The following TMEM255B variants were observed in gnomAD, a reference collection of about 807,000 sequenced individuals.
TMEM255B encodes family with sequence similarity 70, member B.
A neutral mutation model predicts 34.5 loss-of-function variants in TMEM255B; 35 were observed. That is an observed-to-expected ratio of 1.01 (90% CI 0.77 to 1.34). The LOEUF (loss-of-function observed/expected upper bound fraction) is 1.34. TMEM255B is among the 40% of genes most tolerant of loss of function. The pLI is 0.00. For missense variants in TMEM255B, 432 were observed against 433.2 expected (o/e 1.00, Z 0.02); for synonymous variants, 206 against 201.2 (o/e 1.02, Z -0.20).
chr13:113,768,811 C>G (rs1282652307), intron 2 of TMEM255B: 10 of 526,298 alleles, frequency 1.9e-5, no homozygotes, highest in Non-Finnish European at 3.8e-5. Flanking sequence ...GATGTTGTCT[C>G]TGGGGGAGGA....
intron 3 of TMEM255B, among the ~76,000 whole-genome samples, chr13:113,786,546 C>T (rs1447979795): frequency 6.7e-6 from 1 of 149,484 alleles, no homozygotes; most frequent in Non-Finnish European, 1.5e-5. Context: ...ACCATTGTCA[C>T]CATCGTCAAC....
intron 5 of TMEM255B, chr13:113,799,711 T>A: frequency 1.4e-6 from 1 of 696,492 alleles, no homozygotes; most frequent in Non-Finnish European, 2.7e-6. Flanking sequence ...TTTTCTAATT[T>A]AATTATTGCA....
intron 3 of TMEM255B, among the ~76,000 whole-genome samples, chr13:113,791,518 T>A (rs2050831868): frequency 6.6e-6 from 1 of 152,152 alleles, no homozygotes; most frequent in African/African-American, 2.4e-5. Flanking sequence ...TGTGGACAGA[T>A]GTCCCCTTGG....
In TMEM255B at chr13:113,795,167, T is replaced by G. The variant is rs779942010; in HGVS notation, c.272T>G (p.Phe91Cys). ...RRQMLVAAIV[F>C]ISFGVVAAFC... The stretch of plus-strand genomic sequence containing the variant: ...TTGCAGCTGGTGGCAGCGATCGTGT[T>G]TATCAGTTTTGGCGTGGTGGCCGCC... The change falls in exon 4 of 9, where the codon TTT becomes TGT. Residue 91 changes from phenylalanine (F) to cysteine (C), a missense_variant. Physicochemically the swap from Phe to Cys is radical, Grantham distance 205. Transcript: ENST00000375353. 9.3e-6 allele frequency: 15 copies of G among 1,613,916 alleles called. No individual in the cohort carries two copies. The highest frequency in any genetic ancestry group is 1.3e-5 in the Non-Finnish European group (15 of 1,179,994).
intron 1 of TMEM255B, among the ~76,000 whole-genome samples, chr13:113,763,192 G>A (rs1409554281): frequency 6.6e-6 from 1 of 152,234 alleles, no homozygotes; most frequent in African/African-American, 2.4e-5. Context: ...TCTGAAAATC[G>A]ACACACAGCC....
chr13:113,801,105 A>AC (rs796735107), intron 6 of TMEM255B, among the ~76,000 whole-genome samples, 193 bp downstream of exon 6: 97 of 148,734 alleles, frequency 6.5e-4, no homozygotes, highest in Admixed American at 1.1e-3. Flanking sequence ...TCCTGACATC[A>AC]CCCCCCCCAC....
Position 113,814,343 on chromosome 13 carries a change from T to G in TMEM255B, c.*2440T>G, listed in dbSNP as rs1446554642. 1.3e-5 allele frequency: 2 copies of G among 152,184 alleles called. No individual in the cohort carries two copies. The highest frequency in any genetic ancestry group is 2.9e-5 in the Non-Finnish European group (2 of 68,020). 9.4% of individuals were successfully genotyped at this position (152,184 alleles called of 1,614,324 possible). On this transcript the variant is annotated 3_prime_UTR_variant, in exon 9 of 9. Coordinates refer to ENST00000375353, the MANE Select transcript of TMEM255B (RefSeq NM_182614.4). The stretch of plus-strand genomic sequence containing the variant: ...AGGGTGCGGTGTGGGGGCATCAGAG[T>G]GCTTCCCCGAGGCTGCACTCACCAG...
rs533492303 is a variant in TMEM255B at position 113,769,295 on chromosome 13, G to A, written c.252+135G>A. ...CTACAGGACCAGCTCTGAGGTTCCC[G>A]GGCTGTGGCCTGCACAGTCCTGGAT... On this transcript the variant is annotated intron_variant, in intron 3 of 8. Transcript: ENST00000375353. This position sits in a 1 kb window ranked among gnomAD's most constrained non-coding sequence, Gnocchi z 4.2. 4.6e-5 allele frequency: 44 copies of A among 948,096 alleles called. No homozygotes were observed. In the South Asian group the frequency reaches 5.3e-4, roughly 11 times the overall value. 58.7% of individuals were successfully genotyped at this position (948,096 alleles called of 1,614,324 possible). A position where few individuals can be genotyped will look rare whatever the true frequency, so the allele number is the denominator to read the frequency against.
In TMEM255B at chr13:113,816,221, C is replaced by T. The variant is rs1445299764; in HGVS notation, c.*4318C>T. On this transcript the variant is annotated 3_prime_UTR_variant, in exon 9 of 9. Transcript: ENST00000375353. ...AGCGTGTTCTGGATGGGGAGAGGTG[C>T]AGTCACTGGTCAGGGATACGAGTTC... 2.0e-5 allele frequency: 3 copies of T among 147,226 alleles called. No individual in the cohort carries two copies. The East Asian group carries it at 5.9e-4, about 29-fold the overall frequency. The allele number at this position is 147,226 out of a possible 1,614,324, so 9.1% of individuals were successfully genotyped here. A position where few individuals can be genotyped will look rare whatever the true frequency, so the allele number is the denominator to read the frequency against.
chr13:113,804,614 G>A (rs1253520608), intron 7 of TMEM255B, among the ~76,000 whole-genome samples: 1 of 141,006 alleles, frequency 7.1e-6, no homozygotes, highest in African/African-American at 2.7e-5. Context: ...CCGGGCCGGG[G>A]TTAGCTCCAG....
chr13:113,811,599 C>T, intron 8 of TMEM255B, 137 bp from the exon 9 acceptor site: 1 of 896,468 alleles, frequency 1.1e-6, no homozygotes. Context: ...TGTGAATGGC[C>T]CTGAGTCTGC....
rs905672579 is a variant in TMEM255B, at chr13:113,759,327, G to T, written c.46+12G>T. The T allele has an allele frequency of 2.4e-6, 3 of 1,229,378 alleles. No individual in the cohort carries two copies. Among genetic ancestry groups the T allele is most frequent in the East Asian group, 3.2e-5 (1 of 31,598 alleles). 76.2% of individuals were successfully genotyped at this position (1,229,378 alleles called of 1,614,324 possible). A position where few individuals can be genotyped will look rare whatever the true frequency, so the allele number is the denominator to read the frequency against. On this transcript the variant is annotated intron_variant, in intron 1 of 8. Coordinates refer to ENST00000375353, the MANE Select transcript of TMEM255B (RefSeq NM_182614.4). ...GCTGGACCCCGCAGGTGAGCGCGGG[G>T]CTGGGGGCTCGTCTCGGCTCCTGCG...
chr13:113,787,588 G>C (rs1274954687), intron 3 of TMEM255B, among the ~76,000 whole-genome samples: 2 of 152,170 alleles, frequency 1.3e-5, no homozygotes. Context: ...TGGGACACCC[G>C]CATGGCAGGT....
chr13:113,812,941 ACGGGTCCCGGGTGG>A lies in TMEM255B; in HGVS notation c.*1039_*1052del. The A allele has an allele frequency of 7.2e-6, 1 of 138,930 alleles. No homozygotes were observed. Among genetic ancestry groups the A allele is most frequent in the Non-Finnish European group, 1.5e-5 (1 of 65,106 alleles). 8.6% of individuals were successfully genotyped at this position (138,930 alleles called of 1,614,324 possible). Reference sequence around the variant, plus strand: ...GTGAGTCACGGGTCCCGGGTGGGTCACGGGTCCCGGGTGGGTCACGGGCCCCGGGTGGGTCACGG... The same window carrying A: ...GTGAGTCACGGGTCCCGGGTGGGTCAGTCACGGGCCCCGGGTGGGTCACGG... On this transcript the variant is annotated 3_prime_UTR_variant, in exon 9 of 9. Transcript: ENST00000375353.
At chr13:113,792,052 G>A (rs990140447) in intron 3 of TMEM255B, among the ~76,000 whole-genome samples, 2 of 152,272 alleles carry the variant, frequency 1.3e-5, no homozygotes, top group Non-Finnish European at 2.9e-5. Context: ...GCTGGAGGCC[G>A]GCTTTCATCT....
intron 3 of TMEM255B, among the ~76,000 whole-genome samples, chr13:113,793,496 G>C (rs1166381529): frequency 6.6e-6 from 1 of 152,214 alleles, no homozygotes; most frequent in African/African-American, 2.4e-5. Context: ...CCAGCAGGTG[G>C]GAGAACCATC....
At chr13:113,761,826 G>A (rs1269806811) in intron 1 of TMEM255B, among the ~76,000 whole-genome samples, 1 of 152,182 alleles carries the variant, frequency 6.6e-6, no homozygotes, top group Non-Finnish European at 1.5e-5. Context: ...TCCGTACCAG[G>A]AGATGTGTCT....
rs1232737670 is a variant in TMEM255B, at chr13:113,814,220, G to A, written c.*2317G>A. The A allele has an allele frequency of 6.6e-6, 1 of 152,234 alleles. No individual in the cohort carries two copies. The allele number at this position is 152,234 out of a possible 1,614,324, so 9.4% of individuals were successfully genotyped here. ...TAGGGGTGCGAACAGCAGAGAAGCT[G>A]AACTGCAGGTCTGGGCAGGGAGTCT... On this transcript the variant is annotated 3_prime_UTR_variant, in exon 9 of 9. Coordinates refer to ENST00000375353, the MANE Select transcript of TMEM255B (RefSeq NM_182614.4).
chr13:113,801,589 C>G, intron 6 of TMEM255B, 64 bp from the exon 7 acceptor site: 4 of 1,518,216 alleles, frequency 2.6e-6, no homozygotes, highest in Non-Finnish European at 3.5e-6. Context: ...CCAGAGGACA[C>G]AAGTTTAACT....
Sources: allele counts gnomAD v4.1 joint callset (sites outside exome capture counted in the v4.1 genomes callset), GRCh38; gene constraint gnomAD v4.1.1; non-coding constraint Gnocchi (gnomAD v3.1); transcripts MANE v1.5; gene names NCBI Gene and HGNC (gene_info 2026-07-23, HGNC 2026-07-21).